TENM2: variants seen among roughly 807,000 people sequenced by gnomAD.
The protein encoded by TENM2 is teneurin-2.
In TENM2, 52 loss-of-function variants were observed where a neutral mutation model predicts 245.2. The ratio of observed to expected loss-of-function variants is 0.21; its 90% CI spans 0.17 to 0.27. The LOEUF (loss-of-function observed/expected upper bound fraction) is 0.27, where lower values mean the gene tolerates loss of function less well. TENM2 is among the 10% of genes least tolerant of loss of function. The probability of loss-of-function intolerance (pLI) is 1.00; values close to 1 mark genes in which losing one functional copy is unlikely to be tolerated. For missense variants in TENM2, 3,046 were observed against 3,666.8 expected (o/e 0.83, Z 4.37); for synonymous variants, 1,363 against 1,438.9 (o/e 0.95, Z 1.19).
chr5:167,660,028 A>G (rs925120742), intron 2 of TENM2: 2 of 152,114 alleles, frequency 1.3e-5, no homozygotes, highest in Non-Finnish European at 2.9e-5. Flanking sequence ...ATGTATCTGA[A>G]CTCATAAGCA....
chr5:167,439,861 A>C (rs2127457984), intron 2 of TENM2, among the ~76,000 whole-genome samples: 1 of 152,346 alleles, frequency 6.6e-6, no homozygotes, highest in African/African-American at 2.4e-5. Context: ...GAAAAGAATA[A>C]AATTATAAAT....
chr5:167,064,019 G>T, the TENM2 span, among the ~76,000 whole-genome samples: 70 of 152,308 alleles, frequency 4.6e-4, no homozygotes, highest in Non-Finnish European at 2.6e-4. Flanking sequence ...GGGAGTCTGC[G>T]TGATGACTCT....
intron 2 of TENM2, among the ~76,000 whole-genome samples, chr5:167,624,918 A>G (rs1378104157): frequency 6.6e-6 from 1 of 152,202 alleles, no homozygotes; most frequent in African/African-American, 2.4e-5. Flanking sequence ...TACTAGTTGC[A>G]TTGATACCCA....
At chr5:167,204,971 C>A in the TENM2 span, among the ~76,000 whole-genome samples, 1 of 152,198 alleles carries the variant, frequency 6.6e-6, no homozygotes, top group African/African-American at 2.4e-5. Flanking sequence ...GAGCTCCAGT[C>A]TTCTCATCAA....
chr5:167,974,010 A>G (rs1583532266), intron 4 of TENM2, among the ~76,000 whole-genome samples: 2 of 66,760 alleles, frequency 3.0e-5, no homozygotes, highest in Non-Finnish European at 4.7e-5. Flanking sequence ...AAAGGGAGGG[A>G]GGGAGGGAGG....
At chr5:167,566,215 G>T (rs1478582423) in intron 2 of TENM2, among the ~76,000 whole-genome samples, 1 of 151,746 alleles carries the variant, frequency 6.6e-6, no homozygotes, top group Non-Finnish European at 1.5e-5. Context: ...TTAAATAGGG[G>T]AGCTAAGAAA....
chr5:167,858,854 C>T (rs1771349909), intron 2 of TENM2, among the ~76,000 whole-genome samples: 2 of 141,212 alleles, frequency 1.4e-5, no homozygotes, highest in Non-Finnish European at 3.1e-5. Context: ...ACGGGCCCCG[C>T]GGGGCCCGAG....
At chr5:167,345,652 G>T (rs1332562183) in intron 1 of TENM2, among the ~76,000 whole-genome samples, 4 of 152,064 alleles carry the variant, frequency 2.6e-5, no homozygotes, top group African/African-American at 9.7e-5. Flanking sequence ...TTTATTAGCA[G>T]AATTTTAAGT....
intron 2 of TENM2, among the ~76,000 whole-genome samples, chr5:167,551,343 C>T (rs1772925574): frequency 6.6e-6 from 1 of 152,092 alleles, no homozygotes; most frequent in Non-Finnish European, 1.5e-5. Flanking sequence ...GAAAGAGACC[C>T]AGTAAATGCA....
chr5:168,043,342 A>G (rs1190519987), intron 5 of TENM2, among the ~76,000 whole-genome samples: 1 of 151,990 alleles, frequency 6.6e-6, no homozygotes, highest in South Asian at 2.1e-4. Flanking sequence ...TCTTGCCTCA[A>G]TCTCCCAAAG....
At chr5:168,219,871 A>G (rs1412655321) in intron 23 of TENM2, among the ~76,000 whole-genome samples, 2 of 149,274 alleles carry the variant, frequency 1.3e-5, no homozygotes, top group African/African-American at 5.0e-5. Context: ...GAGGGAGAAC[A>G]GAAAACCTCA....
At chr5:167,228,754 G>T in the TENM2 span, among the ~76,000 whole-genome samples, 24 of 151,748 alleles carry the variant, frequency 1.6e-4, no homozygotes, top group Admixed American at 1.2e-3. Flanking sequence ...GCCCAGGCTG[G>T]AGTTCAGTGG....
intron 23 of TENM2, 59 bp downstream of exon 25, chr5:168,219,058 G>C: frequency 6.6e-7 from 1 of 1,524,690 alleles, no homozygotes; most frequent in Non-Finnish European, 8.9e-7. Context: ...CTGGCATTAG[G>C]ACTGGGTCGC....
chr5:167,391,189 T>A lies in TENM2; in HGVS notation c.502+15716T>A, dbSNP rs376459260. 5.3e-5 allele frequency among the ~76,000 whole-genome samples: 8 copies of A among 152,138 alleles called. No homozygotes were observed. The East Asian group carries it at 5.8e-4, about 11-fold the overall frequency. On this transcript the variant is annotated intron_variant, in intron 2 of 28. Coordinates refer to ENST00000518659, the Ensembl canonical transcript of TENM2. ...ACTCCTTTGAAATTTTTTTTAACAT[T>A]TTATTTATCCATTTCATCAAGAATT...
chr5:166,995,746 G>T, the TENM2 span, among the ~76,000 whole-genome samples: 3 of 148,264 alleles, frequency 2.0e-5, no homozygotes, highest in Non-Finnish European at 4.5e-5. Flanking sequence ...AGCCCAGGAG[G>T]CGGAGGTTGC....
At chr5:167,087,787 ATC>A in the TENM2 span, among the ~76,000 whole-genome samples, 2 of 151,454 alleles carry the variant, frequency 1.3e-5, no homozygotes, top group Admixed American at 6.6e-5. Flanking sequence ...GTGGAGCAAT[ATC>A]TCTCTTTTTT....
chr5:167,709,177 T>C (rs1758740072), intron 2 of TENM2, among the ~76,000 whole-genome samples: 1 of 152,220 alleles, frequency 6.6e-6, no homozygotes, highest in African/African-American at 2.4e-5. Flanking sequence ...GCGTGCATCC[T>C]CCACTGCATC....
intron 2 of TENM2, among the ~76,000 whole-genome samples, chr5:167,587,183 T>G (rs1775566424): frequency 6.6e-6 from 1 of 152,216 alleles, no homozygotes; most frequent in South Asian, 2.1e-4. Context: ...TATCACTCAC[T>G]GAGGTTTCAT....
the TENM2 span, among the ~76,000 whole-genome samples, chr5:167,149,008 GA>G: frequency 6.6e-6 from 1 of 151,976 alleles, no homozygotes. Flanking sequence ...ATTTTAAAAA[GA>G]AAAAATGAAT....
Sources: allele counts gnomAD v4.1 joint callset (sites outside exome capture counted in the v4.1 genomes callset), GRCh38; gene constraint gnomAD v4.1.1; transcripts MANE v1.5; gene names NCBI Gene and HGNC (gene_info 2026-07-23, HGNC 2026-07-21).